Variants in CYP24A1 observed in about 807,000 individuals in gnomAD.
CYP24A1 encodes the protein cytochrome P450 family 24 subfamily A member 1.
CYP24A1 carries 68 observed loss-of-function variants against 62.4 expected under a neutral mutation model. That is an observed-to-expected ratio of 1.09 (90% confidence interval 0.90 to 1.33). CYP24A1 has a LOEUF of 1.33. CYP24A1 is among the 40% of genes most tolerant of loss of function. The probability of loss-of-function intolerance (pLI) is 0.00; values close to 1 mark genes in which losing one functional copy is unlikely to be tolerated. For missense variants in CYP24A1, 787 were observed against 653.0 expected (o/e 1.21, Z -2.24); for synonymous variants, 267 against 253.0 (o/e 1.06, Z -0.52).
intron 7 of CYP24A1, among the ~76,000 whole-genome samples, chr20:54,160,083 C>G (rs1298726345): frequency 6.6e-6 from 1 of 152,144 alleles, no homozygotes; most frequent in Non-Finnish European, 1.5e-5. Context: ...TTTGGCCACA[C>G]CCTAAAAAGT....
At chr20:54,159,978 G>C (rs907058356) in intron 7 of CYP24A1, among the ~76,000 whole-genome samples, 7 of 152,296 alleles carry the variant, frequency 4.6e-5, no homozygotes, top group African/African-American at 1.7e-4. Context: ...AACAGAGAGG[G>C]ATGGTGATCC....
intron 3 of CYP24A1, 57 bp from the exon 4 acceptor site, chr20:54,169,745 C>G: frequency 6.2e-7 from 1 of 1,609,858 alleles, no homozygotes; most frequent in Non-Finnish European, 8.5e-7. Context: ...GAAAACAAAA[C>G]TTTAAAGCTC....
At chr20:54,157,354 A>G (rs367776352) in intron 10 of CYP24A1, 34 bp downstream of exon 10, 10 of 1,502,464 alleles carry the variant, frequency 6.7e-6, no homozygotes, top group Admixed American at 1.7e-5. Context: ...GAAACAGCAC[A>G]GAACATAATT....
rs374479834 is a variant in CYP24A1, at chr20:54,165,733, G to T, written c.732+9C>A. On this transcript the variant is annotated intron_variant, in intron 5 of 11. Coordinates refer to ENST00000216862, the MANE Select transcript of CYP24A1 (RefSeq NM_000782.5). Reference sequence around the variant, plus strand: ...TCAAGAAAACTGCTTTCTTAAAGAGGCTGCTTACTGTTTTGATGGCCATGA... The same window carrying T: ...TCAAGAAAACTGCTTTCTTAAAGAGTCTGCTTACTGTTTTGATGGCCATGA... 6.1e-6 allele frequency: 8 copies of T among 1,312,450 alleles called. No homozygotes were observed. The highest frequency in any genetic ancestry group is 1.4e-5 in the African/African-American group (1 of 69,292). 81.3% of individuals were successfully genotyped at this position (1,312,450 alleles called of 1,614,324 possible).
intron 9 of CYP24A1, 147 bp downstream of exon 9, chr20:54,157,939 A>G: frequency 2.2e-6 from 3 of 1,381,182 alleles, no homozygotes; most frequent in Middle Eastern, 2.5e-4. Context: ...CTAATTCTAT[A>G]CTATGCAACA....
Position 54,157,224 on chromosome 20 carries a change from G to C in CYP24A1, c.1500C>G (p.Thr500=), listed in dbSNP as rs543572030. The C allele has an allele frequency of 1.9e-6, 3 of 1,613,212 alleles. No individual in the cohort carries two copies. In the African/African-American group the frequency reaches 4.0e-5, roughly 22 times the overall value. The change falls in exon 11 of 12, where the codon ACC becomes ACG. Residue 500 remains threonine (T), a synonymous_variant. Coordinates refer to ENST00000216862, the MANE Select transcript of CYP24A1 (RefSeq NM_000782.5). The stretch of plus-strand genomic sequence containing the variant: ...TGGGGAGTTCCCGGCTGGGCACCAG[G>C]GTGCCTGAGTGTAGCATCTCAACAG... ...NEPVEMLHSG[T]LVPSRELPIA...
intron 4 of CYP24A1, 57 bp from the exon 5 acceptor site, chr20:54,165,890 A>C: frequency 2.2e-6 from 2 of 906,594 alleles, no homozygotes; most frequent in Non-Finnish European, 3.7e-6. Context: ...GTTGGAGTCT[A>C]TGTTTAGCTG....
In CYP24A1 at chr20:54,157,438, A is replaced by C. The variant is rs1459834261; in HGVS notation, c.1384T>G (p.Cys462Gly). The change falls in exon 10 of 12, where the codon TGC becomes GGC. Residue 462 changes from cysteine (C) to glycine (G), a missense_variant. By Grantham distance (159) the Cys-to-Gly change is radical (BLOSUM62 -3). Transcript: ENST00000216862. ...HLPFGVGKRM[C>G]IGRRLAELQL... Reference sequence around the variant, plus strand: ...AGCTCTGCTAATCGGCGACCAATGCACATTCTTTTTCCAACGCCAAATGGA... The same window carrying C: ...AGCTCTGCTAATCGGCGACCAATGCCCATTCTTTTTCCAACGCCAAATGGA... The C allele has an allele frequency of 6.2e-7, 1 of 1,607,864 alleles. No homozygotes were observed.
Position 54,169,581 on chromosome 20 carries a change from C to T in CYP24A1, c.640+11G>A, listed in dbSNP as rs577676951. On this transcript the variant is annotated intron_variant, in intron 4 of 11. Coordinates refer to ENST00000216862, the MANE Select transcript of CYP24A1 (RefSeq NM_000782.5). Reference sequence around the variant, plus strand: ...GCAAAATCAGTGAGCAAGTCTGTGACGACAACTTACTTTCAAACGACCATT... The same window carrying T: ...GCAAAATCAGTGAGCAAGTCTGTGATGACAACTTACTTTCAAACGACCATT... The T allele has an allele frequency of 1.9e-5, 31 of 1,614,062 alleles. No homozygotes were observed. Among genetic ancestry groups the T allele is most frequent in the South Asian group, 7.7e-5 (7 of 91,084 alleles).
chr20:54,158,412 TC>T (rs2092637560), intron 8 of CYP24A1, among the ~76,000 whole-genome samples: 1 of 152,162 alleles, frequency 6.6e-6, no homozygotes, highest in Non-Finnish European at 1.5e-5. Context: ...ACGTTGGTTT[TC>T]CCCCTTCATT....
rs2092631611 is a variant in CYP24A1, at chr20:54,157,222, AG to A, written c.1501del (p.Leu501TrpfsTer75). ...EPVEMLHSGT[L>X]VPSRELPIAF... ...GATGGGGAGTTCCCGGCTGGGCACCAGGGTGCCTGAGTGTAGCATCTCAACA... is the reference window on the plus strand; with the variant it reads ...GATGGGGAGTTCCCGGCTGGGCACCAGGTGCCTGAGTGTAGCATCTCAACA... On this transcript the variant is annotated frameshift_variant, in exon 11 of 12. Transcript: ENST00000216862. LOFTEE classifies it high-confidence loss of function. 1.2e-6 allele frequency: 2 copies of A among 1,613,152 alleles called. No individual in the cohort carries two copies. The highest frequency in any genetic ancestry group is 4.5e-5 in the East Asian group (2 of 44,882).
chr20:54,148,307 T>C, the CYP24A1 span, among the ~76,000 whole-genome samples: 1 of 151,692 alleles, frequency 6.6e-6, no homozygotes, highest in Non-Finnish European at 1.5e-5. Context: ...CTTCAAGCAT[T>C]TGCATTTTAC....
rs145275834 is a variant in CYP24A1, at chr20:54,173,007, C to T, written c.351G>A (p.Ala117=). ...GGTACGCGCTCTCGGTGCGGTACAG[C>T]GCTTCCAGCAGGCATGGCGAGCCCA... ...VHLGSPCLLE[A]LYRTESAYPQ... Residue 117 remains alanine (A), a synonymous_variant, in exon 2 of 12, where the codon GCG becomes GCA. Transcript: ENST00000216862. This position sits in a 1 kb window ranked among gnomAD's most constrained non-coding sequence, Gnocchi z 7.2. 7.4e-5 allele frequency: 120 copies of T among 1,611,684 alleles called. No individual in the cohort carries two copies. Among genetic ancestry groups the T allele is most frequent in the Admixed American group, 1.0e-4 (6 of 60,012 alleles).
intron 4 of CYP24A1, among the ~76,000 whole-genome samples, chr20:54,169,311 C>T (rs2092685591): frequency 6.6e-6 from 1 of 152,150 alleles, no homozygotes; most frequent in Non-Finnish European, 1.5e-5. Context: ...ATAAGCTCCC[C>T]AAGGGTACAG....
chr20:54,158,872 C>T (rs551946787), intron 8 of CYP24A1, 85 bp downstream of exon 8: 8 of 1,604,316 alleles, frequency 5.0e-6, no homozygotes, highest in African/African-American at 2.7e-5. Flanking sequence ...TAGGGGAAGC[C>T]GCCCATGAGT....
intron 4 of CYP24A1, among the ~76,000 whole-genome samples, chr20:54,168,846 T>TCCTTCCTTCCTTCCTTCCTTCCTTC (rs2092682979): frequency 6.9e-5 from 3 of 43,436 alleles, no homozygotes; most frequent in Non-Finnish European, 8.4e-5. Flanking sequence ...CTCCCTCCCT[T>TCCTTCCTTCCTTCCTTCCTTCCTTC]CTTCCTTCCT....
the CYP24A1 span, among the ~76,000 whole-genome samples, chr20:54,147,943 C>T: frequency 1.3e-5 from 2 of 152,106 alleles, no homozygotes; most frequent in African/African-American, 4.8e-5. Flanking sequence ...AAGCAATTCT[C>T]CTGCCTCAGC....
intron 2 of CYP24A1, 187 bp downstream of exon 2, chr20:54,172,722 C>A: frequency 7.3e-7 from 1 of 1,376,228 alleles, no homozygotes; most frequent in South Asian, 1.5e-5. Context: ...CACGGCTTTT[C>A]CGTGGACCGA....
rs760822781 is a variant in CYP24A1, at chr20:54,162,706, C to T, written c.990+11G>A. ...GTTCATTTAGCAAACTCAAATCCAG[C>T]CCACCCTTACCGTTTCCACCGCAGC... On this transcript the variant is annotated intron_variant, in intron 7 of 11. Transcript: ENST00000216862. 7.0e-6 allele frequency: 11 copies of T among 1,572,280 alleles called. No individual in the cohort carries two copies. In the South Asian group the frequency reaches 1.1e-4, roughly 16 times the overall value.
Sources: allele counts gnomAD v4.1 joint callset (sites outside exome capture counted in the v4.1 genomes callset), GRCh38; gene constraint gnomAD v4.1.1; non-coding constraint Gnocchi (gnomAD v3.1); transcripts MANE v1.5; gene names NCBI Gene and HGNC (gene_info 2026-07-23, HGNC 2026-07-21).